ERBB4: variants seen among roughly 807,000 people sequenced by gnomAD.
The protein encoded by ERBB4 is receptor tyrosine-protein kinase erbB-4.
ERBB4 carries 42 observed loss-of-function variants against 158.0 expected under a neutral mutation model. The observed-to-expected ratio is 0.27, with a 90% confidence interval of 0.21 to 0.34. The LOEUF is 0.34. Among genes scored for constraint, ERBB4 ranks in the 10% least tolerant of loss-of-function variants. ERBB4 has a pLI of 1.00. For missense variants in ERBB4, 1,333 were observed against 1,624.1 expected (o/e 0.82, Z 3.08); for synonymous variants, 583 against 558.7 (o/e 1.04, Z -0.61).
At chr2:211,944,233 A>G (rs1260817124) in intron 3 of ERBB4, among the ~76,000 whole-genome samples, 1 of 132,720 alleles carries the variant, frequency 7.5e-6, no homozygotes, top group African/African-American at 2.9e-5. Flanking sequence ...CACAAAAAAA[A>G]AGAACACTTA....
chr2:212,029,007 C>T (rs1414090022), intron 2 of ERBB4, among the ~76,000 whole-genome samples: 1 of 152,018 alleles, frequency 6.6e-6, no homozygotes, highest in Admixed American at 6.6e-5. Flanking sequence ...GACATGCCCA[C>T]CAGTGCACGA....
At chr2:212,429,130 G>C (rs920164211) in intron 1 of ERBB4, 1 of 152,346 alleles carries the variant, frequency 6.6e-6, no homozygotes, top group Non-Finnish European at 1.5e-5. Context: ...GCAGGGAAGA[G>C]AGAGATTATA....
intron 1 of ERBB4, among the ~76,000 whole-genome samples, chr2:212,359,377 C>A (rs777812410): frequency 1.3e-5 from 2 of 151,568 alleles, no homozygotes; most frequent in Non-Finnish European, 3.0e-5. Flanking sequence ...CCTGAAGGTT[C>A]AGATAGGTTT....
intron 1 of ERBB4, among the ~76,000 whole-genome samples, chr2:212,488,112 C>T (rs1272384806): frequency 6.6e-6 from 1 of 152,082 alleles, no homozygotes; most frequent in Non-Finnish European, 1.5e-5. Context: ...CTGATAACCT[C>T]CAAACCTCCA....
intron 1 of ERBB4, among the ~76,000 whole-genome samples, chr2:212,521,877 C>G (rs1235685644): frequency 2.6e-5 from 4 of 151,924 alleles, no homozygotes; most frequent in Non-Finnish European, 5.9e-5. Context: ...AATGGTTACT[C>G]TATTTGAGTT....
intron 3 of ERBB4, among the ~76,000 whole-genome samples, chr2:211,901,791 G>A (rs1033800378): frequency 3.9e-5 from 6 of 151,950 alleles, no homozygotes; most frequent in African/African-American, 1.5e-4. Context: ...GTTAAAAATG[G>A]CACTTGATGA....
chr2:211,749,515 TG>T (rs74436564), intron 5 of ERBB4, among the ~76,000 whole-genome samples: 40 of 151,802 alleles, frequency 2.6e-4, no homozygotes, highest in African/African-American at 9.5e-4. Context: ...GGGACCCACG[TG>T]GGAAGATACT....
At chr2:211,545,657 G>C (rs2066922215) in intron 20 of ERBB4, among the ~76,000 whole-genome samples, 1 of 152,018 alleles carries the variant, frequency 6.6e-6, no homozygotes, top group African/African-American at 2.4e-5. Context: ...ATTTCTAGGA[G>C]TATGGCCCCA....
intron 1 of ERBB4, among the ~76,000 whole-genome samples, chr2:212,311,527 T>C (rs946622607): frequency 6.6e-6 from 1 of 150,940 alleles, no homozygotes; most frequent in Non-Finnish European, 1.5e-5. Context: ...TTAGCACTGA[T>C]CATTTTTAAT....
At chr2:211,533,220 T>G (rs2066550067) in intron 20 of ERBB4, among the ~76,000 whole-genome samples, 1 of 151,976 alleles carries the variant, frequency 6.6e-6, no homozygotes, top group South Asian at 2.1e-4. Context: ...ATACCATAAT[T>G]AGTTTAAACT....
chr2:212,160,316 C>A (rs2125646575), intron 1 of ERBB4, among the ~76,000 whole-genome samples: 1 of 151,940 alleles, frequency 6.6e-6, no homozygotes, highest in Admixed American at 6.6e-5. Context: ...AGAGAGGTGG[C>A]CAGTGCCTAT....
chr2:212,068,427 C>G (rs1244953335), intron 2 of ERBB4, among the ~76,000 whole-genome samples: 1 of 152,040 alleles, frequency 6.6e-6, no homozygotes, highest in African/African-American at 2.4e-5. Flanking sequence ...TGCTAAAGTT[C>G]CAAATCCACT....
intron 2 of ERBB4, among the ~76,000 whole-genome samples, chr2:212,121,558 C>A (rs1184856176): frequency 6.6e-6 from 1 of 152,134 alleles, no homozygotes; most frequent in Non-Finnish European, 1.5e-5. Flanking sequence ...TTTTTAATCT[C>A]CATTGACTAC....
chr2:212,200,093 T>C (rs1253844627), intron 1 of ERBB4, among the ~76,000 whole-genome samples: 3 of 152,196 alleles, frequency 2.0e-5, no homozygotes, highest in South Asian at 4.1e-4. Flanking sequence ...AGCTGGTAAT[T>C]ATAGGACATT....
chr2:212,186,616 C>T (rs958716948), intron 1 of ERBB4, among the ~76,000 whole-genome samples: 7 of 152,086 alleles, frequency 4.6e-5, no homozygotes, highest in African/African-American at 1.4e-4. Context: ...GTTCCTGTTC[C>T]TAAACGTCTT....
intron 3 of ERBB4, among the ~76,000 whole-genome samples, chr2:211,793,220 A>T (rs1191488219): frequency 6.6e-6 from 1 of 151,858 alleles, no homozygotes; most frequent in Non-Finnish European, 1.5e-5. Flanking sequence ...AGTCTATATG[A>T]TCGATATTAT....
At chr2:212,098,913 C>T (rs1216950163) in intron 2 of ERBB4, among the ~76,000 whole-genome samples, 7 of 151,896 alleles carry the variant, frequency 4.6e-5, no homozygotes, top group Non-Finnish European at 7.4e-5. Context: ...GGTGGGAAAC[C>T]GCTTTCTAAC....
At chr2:212,046,367 G>C (rs772105341) in intron 2 of ERBB4, among the ~76,000 whole-genome samples, 7 of 152,172 alleles carry the variant, frequency 4.6e-5, no homozygotes, top group Admixed American at 3.3e-4. Flanking sequence ...AGCACAGCTA[G>C]AGAAGTTCAG....
chr2:212,141,122 G>T (rs149593977), intron 1 of ERBB4, among the ~76,000 whole-genome samples: 2 of 151,496 alleles, frequency 1.3e-5, no homozygotes, highest in East Asian at 3.9e-4. Context: ...GTATATTTCC[G>T]TCAAGTAAAA....
Sources: gnomAD v4.1 joint callset for allele counts (sites outside exome capture counted in the v4.1 genomes callset) on GRCh38, gnomAD v4.1.1 for gene constraint, MANE v1.5 for transcripts, NCBI Gene and HGNC (gene_info 2026-07-23, HGNC 2026-07-21) for gene names.